The following ANKRD17 variants were observed in gnomAD, a reference collection of about 807,000 sequenced individuals.
ANKRD17 encodes the protein ankyrin repeat domain-containing protein 17.
ANKRD17 carries 19 observed loss-of-function variants against 229.7 expected under a neutral mutation model. The ratio of observed to expected loss-of-function variants is 0.08; its 90% CI spans 0.06 to 0.12. ANKRD17 has a LOEUF of 0.12. ANKRD17 is among the 10% of genes least tolerant of loss of function. The pLI is 1.00. For synonymous variants in ANKRD17, 1,112 were observed against 1,146.1 expected (o/e 0.97, Z 0.60); for missense variants, 2,176 against 3,176.8 (o/e 0.68, Z 7.57).
chr4:73,164,316 A>T (rs1045652007), intron 2 of ANKRD17, among the ~76,000 whole-genome samples: 5 of 152,248 alleles, frequency 3.3e-5, no homozygotes, highest in Non-Finnish European at 7.3e-5. Context: ...AATCTTTATG[A>T]ACTTCTTGTA....
chr4:73,114,920 T>C (rs914997346), intron 23 of ANKRD17, among the ~76,000 whole-genome samples: 2 of 152,176 alleles, frequency 1.3e-5, no homozygotes, highest in Non-Finnish European at 1.5e-5. Flanking sequence ...AAACTCCAAA[T>C]CAAAATGTAT....
At chr4:73,131,228 G>A (rs1028545906) in intron 16 of ANKRD17, among the ~76,000 whole-genome samples, 3 of 152,228 alleles carry the variant, frequency 2.0e-5, no homozygotes, top group African/African-American at 7.2e-5. Flanking sequence ...CCCTTGGCAA[G>A]TGAGTTCTAG....
intron 24 of ANKRD17, chr4:73,112,782 T>A (rs940567285): frequency 1.3e-6 from 1 of 751,674 alleles, no homozygotes; most frequent in Non-Finnish European, 1.6e-6. Context: ...TTTGACCTTT[T>A]TAAAAAAATT....
chr4:73,112,369 T>C (rs1330408171), intron 24 of ANKRD17, among the ~76,000 whole-genome samples: 1 of 152,228 alleles, frequency 6.6e-6, no homozygotes, highest in Non-Finnish European at 1.5e-5. Flanking sequence ...TTATACTGCC[T>C]TGTATTTAGC....
chr4:73,165,675 C>G (rs1733139170), intron 2 of ANKRD17, among the ~76,000 whole-genome samples: 1 of 152,138 alleles, frequency 6.6e-6, no homozygotes, highest in Non-Finnish European at 1.5e-5. Flanking sequence ...CGAGGTTATC[C>G]TGGTGGGCCT....
chr4:73,125,146 C>A, intron 17 of ANKRD17, 55 bp downstream of exon 17: 1 of 1,590,500 alleles, frequency 6.3e-7, no homozygotes, highest in South Asian at 1.1e-5. Flanking sequence ...AAATAATGTT[C>A]CTAAATAAAT....
rs1469680228 is a variant in ANKRD17, at chr4:73,120,065, AT to A, written c.4025+96del. 8.3e-6 allele frequency: 11 copies of A among 1,323,936 alleles called. No homozygotes were observed. In the South Asian group the frequency reaches 8.6e-5, roughly 10 times the overall value. 82.0% of individuals were successfully genotyped at this position (1,323,936 alleles called of 1,614,324 possible). ...GCACTTGTTTATAAAAGAAGAAATA[AT>A]CACATTTGATTTTTTAAATAGTTTA... On this transcript the variant is annotated intron_variant, in intron 21 of 33. Coordinates refer to ENST00000358602, the MANE Select transcript of ANKRD17 (RefSeq NM_032217.5).
At chr4:73,246,349 G>A (rs369014806) in intron 1 of ANKRD17, among the ~76,000 whole-genome samples, 3 of 152,178 alleles carry the variant, frequency 2.0e-5, no homozygotes, top group Non-Finnish European at 4.4e-5. Context: ...TGAAAAGAGG[G>A]AGAGATAGTT....
chr4:73,094,160 T>C lies in ANKRD17; in HGVS notation c.5246A>G (p.Asn1749Ser), dbSNP rs1723059231. ...RVIGRGGCNI[N>S]AIREFTGAHI... Reference sequence around the variant, plus strand: ...TGCACCAGTAAACTCCCGAATAGCATTGATATTACAGCCTCCTCTTCCAAT... The same window carrying C: ...TGCACCAGTAAACTCCCGAATAGCACTGATATTACAGCCTCCTCTTCCAAT... The change falls in exon 28 of 34, where the codon AAT (asparagine) becomes AGT (serine). Residue 1749 changes from asparagine (N) to serine (S), a missense_variant. Around this residue, in one of 18 missense-constraint regions of ANKRD17, gnomAD observed 27 missense variants for 89.2 expected, o/e 0.30. Coordinates refer to ENST00000358602, the MANE Select transcript of ANKRD17 (RefSeq NM_032217.5). 1.2e-6 allele frequency: 2 copies of C among 1,613,696 alleles called. No homozygotes were observed. The highest frequency in any genetic ancestry group is 1.7e-6 in the Non-Finnish European group (2 of 1,179,716).
intron 15 of ANKRD17, among the ~76,000 whole-genome samples, chr4:73,137,864 T>A (rs1003706499): frequency 6.6e-6 from 1 of 152,214 alleles, no homozygotes; most frequent in African/African-American, 2.4e-5. Flanking sequence ...AAAGAAAAGA[T>A]ACTTTACAAA....
At position 73,073,914 on chromosome 4, in the gene ANKRD17, C is replaced by A. The variant is rs940146456; in HGVS notation, c.*2317G>T. 2.0e-5 allele frequency: 3 copies of A among 151,910 alleles called. No individual in the cohort carries two copies. Among genetic ancestry groups the A allele is most frequent in the African/African-American group, 7.2e-5 (3 of 41,404 alleles). The allele number at this position is 151,910 out of a possible 1,614,324, so 9.4% of individuals were successfully genotyped here. On this transcript the variant is annotated 3_prime_UTR_variant, in exon 34 of 34. Transcript: ENST00000358602. ...TCATTTCTTAAAACAATGATGTAGT[C>A]TGCATATACACATACCACATATTTT...
chr4:73,138,956 C>A (rs866051631), intron 15 of ANKRD17, among the ~76,000 whole-genome samples: 2 of 151,998 alleles, frequency 1.3e-5, no homozygotes, highest in Non-Finnish European at 2.9e-5. Flanking sequence ...TAGAAAGAGA[C>A]TACACATTAA....
At chr4:73,158,597 T>C (rs551343811) in intron 3 of ANKRD17, among the ~76,000 whole-genome samples, 148 of 152,350 alleles carry the variant, frequency 9.7e-4, no homozygotes, top group African/African-American at 3.5e-3. Flanking sequence ...ATGGTTTGCA[T>C]ATTTGTCCTC....
In ANKRD17 at chr4:73,091,954, G is replaced by A; in HGVS notation, c.5674C>T (p.His1892Tyr). The A allele has an allele frequency of 6.2e-7, 1 of 1,614,226 alleles. No homozygotes were observed. The highest frequency in any genetic ancestry group is 1.1e-5 in the South Asian group (1 of 91,086). Residue 1892 changes from histidine to tyrosine, a missense_variant, in exon 29 of 34, where the codon CAT becomes TAT. Physicochemically the swap from His to Tyr is moderately conservative, Grantham distance 83 (BLOSUM62 2). Around this residue, in one of 18 missense-constraint regions of ANKRD17, gnomAD observed 142 missense variants for 200.4 expected, o/e 0.71. Transcript: ENST00000358602. ...PLAYPPPQFA[H>Y]ALLAAQTFQQ... ...AAAGTCTGAGCAGCAAGCAAAGCAT[G>A]TGCAAACTGTGGAGGAGGATATGCT... is the stretch of plus-strand genomic sequence containing the variant.
chr4:73,127,103 T>C (rs570477677), intron 16 of ANKRD17, among the ~76,000 whole-genome samples: 1 of 152,334 alleles, frequency 6.6e-6, no homozygotes, highest in South Asian at 2.1e-4. Context: ...TAATTAAATC[T>C]AGATACAAAT....
At chr4:73,192,913 C>A (rs1287641838) in intron 1 of ANKRD17, among the ~76,000 whole-genome samples, 2 of 152,094 alleles carry the variant, frequency 1.3e-5, no homozygotes, top group Non-Finnish European at 2.9e-5. Flanking sequence ...AATTCTTTTT[C>A]TTTTAATTCT....
chr4:73,093,454 C>T (rs942154817), intron 28 of ANKRD17, among the ~76,000 whole-genome samples: 7 of 150,278 alleles, frequency 4.7e-5, no homozygotes, highest in African/African-American at 7.4e-5. Flanking sequence ...CTCGGCTCAC[C>T]GCAACCTCTG....
intron 14 of ANKRD17, among the ~76,000 whole-genome samples, chr4:73,140,542 A>G (rs540857967): frequency 6.6e-6 from 1 of 152,338 alleles, no homozygotes; most frequent in South Asian, 2.1e-4. Flanking sequence ...ACAATAGAGG[A>G]ATGCAGGTTT....
intron 24 of ANKRD17, among the ~76,000 whole-genome samples, chr4:73,103,794 C>A (rs914218144): frequency 6.6e-6 from 1 of 150,792 alleles, no homozygotes; most frequent in African/African-American, 2.4e-5. Context: ...TTGCTAGATA[C>A]TCTCTGTCCT....
Sources: gnomAD v4.1 joint callset for allele counts (sites outside exome capture counted in the v4.1 genomes callset) on GRCh38, gnomAD v4.1.1 for gene constraint, gnomAD v4.1.1 regional missense constraint, MANE v1.5 for transcripts, NCBI Gene and HGNC (gene_info 2026-07-23, HGNC 2026-07-21) for gene names.